GPT2: variants seen among roughly 807,000 people sequenced by gnomAD.
GPT2 encodes glutamic--pyruvic transaminase 2.
A neutral mutation model predicts 56.9 loss-of-function variants in GPT2; 30 were observed. The observed-to-expected ratio is 0.53, with a 90% CI of 0.39 to 0.72. The LOEUF is 0.72. Ranked by LOEUF, GPT2 falls within the 30% of genes least tolerant of loss-of-function variation. The pLI, the probability that GPT2 is intolerant of heterozygous loss-of-function variation, is 0.00. For synonymous variants in GPT2, 271 were observed against 283.1 expected (o/e 0.96, Z 0.43); for missense variants, 542 against 703.4 (o/e 0.77, Z 2.60).
chr16:46,898,930 GTATA>G (rs1467304384), intron 3 of GPT2, among the ~76,000 whole-genome samples: 1 of 121,662 alleles, frequency 8.2e-6, no homozygotes, highest in East Asian at 2.2e-4. Flanking sequence ...ATATATATGT[GTATA>G]TATATACACA....
Position 46,892,962 on chromosome 16 carries a change from TC to T in GPT2, c.244-4683del, listed in dbSNP as rs202158902. ...ATTTGCATATGACCTATGCACATCC[TC>T]CCGTATAATTAAATCATCTTTACAG... On this transcript the variant is annotated intron_variant, in intron 2 of 11. Transcript: ENST00000340124. 2.7e-3 allele frequency among the ~76,000 whole-genome samples: 405 copies of T among 152,304 alleles called. 9 individuals are homozygous for T. The East Asian group carries it at 0.039, about 15-fold the overall frequency.
intron 2 of GPT2, among the ~76,000 whole-genome samples, chr16:46,890,452 C>T (rs752274804): frequency 3.3e-5 from 5 of 152,120 alleles, no homozygotes; most frequent in South Asian, 2.1e-4. Context: ...AGGAGGGTGG[C>T]GGTCTCATCT....
chr16:46,922,119 A>G (rs1281731989), intron 8 of GPT2, 123 bp from the exon 9 acceptor site: 3 of 821,916 alleles, frequency 3.7e-6, no homozygotes, highest in African/African-American at 1.7e-5. Flanking sequence ...ATTGGCAAGA[A>G]CTCAGCCACA....
chr16:46,906,813 C>T (rs1294790874), intron 4 of GPT2, 29 bp from the exon 5 acceptor site: 1 of 1,610,838 alleles, frequency 6.2e-7, no homozygotes, highest in East Asian at 2.2e-5. Flanking sequence ...CATCCTGCCT[C>T]TGTTACTGTC....
chr16:46,926,809 G>A, intron 10 of GPT2, 116 bp from the exon 11 acceptor site: 1 of 593,144 alleles, frequency 1.7e-6, no homozygotes, highest in Non-Finnish European at 2.8e-6. Context: ...GAGCGGAAGG[G>A]GAGAAGGGCA....
Position 46,884,385 on chromosome 16 carries a change from T to C in GPT2, c.-105T>C, listed in dbSNP as rs1960437282. The C allele has an allele frequency of 5.3e-6, 1 of 188,604 alleles. No homozygotes were observed. Among genetic ancestry groups the C allele is most frequent in the African/African-American group, 2.4e-5 (1 of 42,552 alleles). 11.7% of individuals were successfully genotyped at this position (188,604 alleles called of 1,614,324 possible). On this transcript the variant is annotated 5_prime_UTR_variant, in exon 1 of 12. It removes an upstream start codon present in the reference 5' UTR. Coordinates refer to ENST00000340124, the MANE Select transcript of GPT2 (RefSeq NM_133443.4). ...GCGGCGCGGGCGCCGGGCGCGGGGATGCGGCTGTGGGCGCCGGGGCCGGGT... is the reference window on the plus strand; with the variant it reads ...GCGGCGCGGGCGCCGGGCGCGGGGACGCGGCTGTGGGCGCCGGGGCCGGGT...
intron 6 of GPT2, chr16:46,915,678 C>T (rs1961138281): frequency 6.7e-6 from 1 of 148,578 alleles, no homozygotes; most frequent in Admixed American, 6.7e-5. Flanking sequence ...CACACCTCAA[C>T]ACACCTATAC....
intron 2 of GPT2, among the ~76,000 whole-genome samples, chr16:46,897,330 A>T (rs939601018): frequency 6.6e-6 from 1 of 152,144 alleles, no homozygotes; most frequent in African/African-American, 2.4e-5. Context: ...CTGAGATGGC[A>T]CTACTGTACT....
intron 4 of GPT2, 90 bp from the exon 5 acceptor site, chr16:46,906,752 G>A (rs1416082576): frequency 1.5e-5 from 23 of 1,526,006 alleles, no homozygotes; most frequent in Admixed American, 6.9e-5. Context: ...CCCCAAACAG[G>A]CATCCCTCTA....
At chr16:46,922,546 T>C in intron 9 of GPT2, 130 bp downstream of exon 9, 1 of 828,088 alleles carries the variant, frequency 1.2e-6, no homozygotes, top group Non-Finnish European at 1.8e-6. Flanking sequence ...GGTGCACTCA[T>C]GGCTCTTCAG....
At chr16:46,894,766 T>C (rs1418555321) in intron 2 of GPT2, among the ~76,000 whole-genome samples, 2 of 151,948 alleles carry the variant, frequency 1.3e-5, no homozygotes, top group African/African-American at 4.8e-5. Context: ...CCCAGCTTCA[T>C]GCCATTCTCC....
At position 46,929,081 on chromosome 16, in the gene GPT2, T is replaced by C; in HGVS notation, c.*84T>C. 9.3e-7 allele frequency: 1 copy of C among 1,073,964 alleles called. No homozygotes were observed. Among genetic ancestry groups the C allele is most frequent in the South Asian group, 1.3e-5 (1 of 78,742 alleles). The allele number at this position is 1,073,964 out of a possible 1,614,324, so 66.5% of individuals were successfully genotyped here. ...GCTGAACTCGCCTCCCCCGTGACTC[T>C]GCCTCGGGCCTCGCAGAGGCCGCTG... On this transcript the variant is annotated 3_prime_UTR_variant, in exon 12 of 12. Coordinates refer to ENST00000340124, the MANE Select transcript of GPT2 (RefSeq NM_133443.4).
chr16:46,885,596 G>C, intron 2 of GPT2: 9 of 960,216 alleles, frequency 9.4e-6, no homozygotes, highest in Non-Finnish European at 1.1e-5. Context: ...CCAGAGAGTT[G>C]GGCCTGTCGG....
intron 9 of GPT2, chr16:46,923,917 TTCTCATTTTC>T: frequency 3.6e-6 from 1 of 279,848 alleles, no homozygotes. Context: ...CAACTGGTTT[TTCTCATTTTC>T]TGGAAAGACA....
rs777869515 is a variant in GPT2, at chr16:46,909,707, C to T, written c.600C>T (p.Ser200=). ...AGACGATCCTGAAGATCCTCGTCTC[C>T]GGGGGCGGCAAGTCACGGACAGGTG... ...GISTILKILV[S]GGGKSRTGVM... Residue 200 remains serine (S), a synonymous_variant, in exon 6 of 12, where the codon TCC becomes TCT. Coordinates refer to ENST00000340124, the MANE Select transcript of GPT2 (RefSeq NM_133443.4). 3.2e-5 allele frequency: 51 copies of T among 1,613,600 alleles called. No homozygotes were observed. The highest frequency in any genetic ancestry group is 2.3e-4 in the South Asian group (21 of 91,064).
At chr16:46,899,432 A>T (rs1280515283) in intron 3 of GPT2, among the ~76,000 whole-genome samples, 1 of 152,054 alleles carries the variant, frequency 6.6e-6, no homozygotes, top group Non-Finnish European at 1.5e-5. Flanking sequence ...TCTCTGGGGC[A>T]GAGGGCTGGG....
chr16:46,898,943 C>CATATATAT (rs1960748717), intron 3 of GPT2, among the ~76,000 whole-genome samples: 2 of 32,794 alleles, frequency 6.1e-5, no homozygotes, highest in Admixed American at 4.0e-4. Flanking sequence ...TATATATACA[C>CATATATAT]ACACATATAT....
intron 2 of GPT2, 161 bp downstream of exon 2, chr16:46,885,119 C>A (rs968792837): frequency 7.4e-7 from 1 of 1,354,086 alleles, no homozygotes; most frequent in African/African-American, 1.5e-5. Context: ...CGCCCGTTCA[C>A]TTACTGGTGC....
intron 2 of GPT2, among the ~76,000 whole-genome samples, chr16:46,893,640 C>G (rs1253494170): frequency 1.3e-5 from 2 of 152,198 alleles, no homozygotes; most frequent in African/African-American, 4.8e-5. Flanking sequence ...TGCTAACACC[C>G]TATGAAATAT....
Sources: allele counts gnomAD v4.1 joint callset (sites outside exome capture counted in the v4.1 genomes callset), GRCh38; gene constraint gnomAD v4.1.1; transcripts MANE v1.5; gene names NCBI Gene and HGNC (gene_info 2026-07-23, HGNC 2026-07-21).